Variants in GSTA2 observed in about 807,000 individuals in gnomAD.
GSTA2 encodes the protein glutathione S-transferase A2.
In GSTA2, 27 loss-of-function variants were observed where a neutral mutation model predicts 22.4. The observed-to-expected ratio is 1.21, with a 90% CI of 0.89 to 1.67. The LOEUF (loss-of-function observed/expected upper bound fraction) is 1.67, where lower values mean the gene tolerates loss of function less well. Among genes scored for constraint, GSTA2 ranks in the 40% most tolerant of loss-of-function variants. The pLI is 0.00. For synonymous variants in GSTA2, 121 were observed against 86.8 expected, an observed-to-expected ratio of 1.39 and a Z score of -2.19; for missense variants, 302 against 260.2, an observed-to-expected ratio of 1.16 and a Z score of -1.11.
intron 5 of GSTA2, among the ~76,000 whole-genome samples, chr6:52,752,441 C>A (rs550599533): frequency 6.6e-6 from 1 of 152,250 alleles, no homozygotes; most frequent in South Asian, 2.1e-4. Flanking sequence ...TCTGGTTGGG[C>A]AATTGGTCTC....
At chr6:52,752,284 T>C (rs73740515) in intron 5 of GSTA2, among the ~76,000 whole-genome samples, 1,702 of 152,328 alleles carry the variant, frequency 0.011, 32 homozygotes, top group African/African-American at 0.038. Context: ...AATGGCACTA[T>C]GTTATAATCT....
chr6:52,760,014 C>A (rs1399617404), intron 1 of GSTA2, among the ~76,000 whole-genome samples: 1 of 152,166 alleles, frequency 6.6e-6, no homozygotes, highest in East Asian at 1.9e-4. Context: ...TGAAATCATA[C>A]TGAATCAACT....
chr6:52,762,131 C>T (rs555236294), intron 1 of GSTA2, among the ~76,000 whole-genome samples: 11 of 148,656 alleles, frequency 7.4e-5, no homozygotes, highest in Admixed American at 4.6e-4. Context: ...TGCGGAAGGC[C>T]GCAGGGACCT....
Position 52,752,843 on chromosome 6 carries a change from G to A in GSTA2, c.414+11C>T. On this transcript the variant is annotated intron_variant, in intron 5 of 6. Transcript: ENST00000493422. The stretch of plus-strand genomic sequence containing the variant: ...ACTCAGTTCCCCAAAACACTGAACA[G>A]CTTCACTTACTTTTTCAAAGGCAGG... 1.2e-6 allele frequency: 2 copies of A among 1,613,486 alleles called. No individual in the cohort carries two copies. Among genetic ancestry groups the A allele is most frequent in the Non-Finnish European group, 1.7e-6 (2 of 1,179,570 alleles).
intron 5 of GSTA2, 54 bp from the exon 6 acceptor site, chr6:52,751,762 C>G: frequency 1.2e-6 from 2 of 1,613,330 alleles, no homozygotes; most frequent in East Asian, 2.2e-5. Context: ...GGCTGGGACC[C>G]CTGCTTCTTT....
chr6:52,750,813 C>T, intron 6 of GSTA2, 114 bp from the exon 7 acceptor site: 4 of 1,340,448 alleles, frequency 3.0e-6, no homozygotes, highest in Non-Finnish European at 4.1e-6. Flanking sequence ...GAGTCGCTTC[C>T]ACTTGGGTGA....
At chr6:52,753,415 A>G (rs940231456) in intron 4 of GSTA2, among the ~76,000 whole-genome samples, 6 of 152,164 alleles carry the variant, frequency 3.9e-5, no homozygotes, top group African/African-American at 1.2e-4. Flanking sequence ...CTGCTTCCTA[A>G]GTAATCCTAA....
At chr6:52,755,965 C>T (rs979909337) in intron 3 of GSTA2, among the ~76,000 whole-genome samples, 9 of 152,074 alleles carry the variant, frequency 5.9e-5, no homozygotes, top group African/African-American at 2.2e-4. Context: ...GGATCCTGTG[C>T]TGATGACCAC....
rs201315214 is a variant in GSTA2, at chr6:52,757,882, G to A, written c.66C>T (p.Leu22=). 23 of 1,613,646 alleles carry A rather than the reference G, an allele frequency of 1.4e-5. No homozygotes were observed. In the East Asian group the frequency reaches 4.9e-4, roughly 34 times the overall value. ...IRGRMESIRW[L]LAAAGVEFEE... ...CTACCTCTACTCCAGCTGCAGCCAG[G>A]AGCCACCGGATGGACTCCATTCTGC... The change falls in exon 2 of 7, where the codon CTC becomes CTT. Residue 22 remains leucine (L), a synonymous_variant. Coordinates refer to ENST00000493422, the MANE Select transcript of GSTA2 (RefSeq NM_000846.5).
chr6:52,757,654 C>G, intron 2 of GSTA2, among the ~76,000 whole-genome samples: 1 of 152,116 alleles, frequency 6.6e-6, no homozygotes, highest in Non-Finnish European at 1.5e-5. Context: ...TGATTAGTGT[C>G]TTAAATGTAT....
intron 1 of GSTA2, among the ~76,000 whole-genome samples, chr6:52,759,111 G>T (rs1247174229): frequency 6.6e-6 from 1 of 152,180 alleles, no homozygotes; most frequent in African/African-American, 2.4e-5. Context: ...GAAAAGAAAA[G>T]AATAGAAAAT....
intron 1 of GSTA2, among the ~76,000 whole-genome samples, chr6:52,758,448 G>A (rs188512242): frequency 4.3e-4 from 66 of 151,820 alleles, no homozygotes; most frequent in Non-Finnish European, 2.2e-4. Flanking sequence ...GTCACACTCC[G>A]GTTGGTGATG....
rs770906009 is a variant in GSTA2, at chr6:52,756,266, A to T, written c.131T>A (p.Leu44Ter). The T allele has an allele frequency of 1.9e-6, 3 of 1,603,038 alleles. No homozygotes were observed. The African/African-American group carries it at 4.0e-5, about 21-fold the overall frequency. Residue 44 changes from leucine to a stop codon, truncating the protein, a stop_gained, in exon 3 of 7, where the codon TTA (leucine) becomes TAA (stop). Transcript: ENST00000493422. LOFTEE classifies it high-confidence loss of function. ...FIKSAEDLDKLRNDGYLMFQQ... is the reference protein window; with the variant it reads ...FIKSAEDLDK Reference sequence around the variant, plus strand: ...TTAGAGGTTGATCTTACCATTTCTTAACTTGTCCAAATCTTCTGCAGATTT... The same window carrying T: ...TTAGAGGTTGATCTTACCATTTCTTTACTTGTCCAAATCTTCTGCAGATTT...
In GSTA2 at chr6:52,750,555, C is replaced by T. The variant is rs2266632; in HGVS notation, c.*22G>A. 1.8e-3 allele frequency: 2,824 copies of T among 1,612,856 alleles called. 48 individuals are homozygous for T. The African/African-American group carries it at 0.034, about 19-fold the overall frequency. On this transcript the variant is annotated 3_prime_UTR_variant, in exon 7 of 7. Coordinates refer to ENST00000493422, the MANE Select transcript of GSTA2 (RefSeq NM_000846.5). ...CTTTAGAATACTGGTCTTGCATGTT[C>T]TTGACCTCTATGGCTGGTTTATTAA...
At chr6:52,761,413 CT>C (rs1190987910) in intron 1 of GSTA2, among the ~76,000 whole-genome samples, 1 of 152,130 alleles carries the variant, frequency 6.6e-6, no homozygotes, top group Non-Finnish European at 1.5e-5. Context: ...TGTAATCTGT[CT>C]CTTCATCATC....
At chr6:52,753,727 C>T (rs77797028) in intron 4 of GSTA2, among the ~76,000 whole-genome samples, 1 of 152,234 alleles carries the variant, frequency 6.6e-6, no homozygotes, top group Non-Finnish European at 1.5e-5. Flanking sequence ...TGCATATTCA[C>T]ATACTATAAT....
At chr6:52,761,677 C>A (rs908014578) in intron 1 of GSTA2, among the ~76,000 whole-genome samples, 2 of 150,424 alleles carry the variant, frequency 1.3e-5, no homozygotes, top group African/African-American at 2.4e-5. Flanking sequence ...CCTTGCTTAG[C>A]CCCATGAGGT....
intron 1 of GSTA2, among the ~76,000 whole-genome samples, chr6:52,758,916 A>AT (rs922999181): frequency 7.0e-4 from 107 of 152,276 alleles, no homozygotes; most frequent in African/African-American, 2.5e-3. Context: ...TGTTATTCTC[A>AT]TTTTACATTT....
chr6:52,759,024 T>G (rs570572055), intron 1 of GSTA2, among the ~76,000 whole-genome samples: 27 of 152,344 alleles, frequency 1.8e-4, no homozygotes, highest in African/African-American at 6.0e-4. Flanking sequence ...AGTCTTATTT[T>G]CTATGTTAGT....
Sources: gnomAD v4.1 joint callset for allele counts (sites outside exome capture counted in the v4.1 genomes callset) on GRCh38, gnomAD v4.1.1 for gene constraint, MANE v1.5 for transcripts, NCBI Gene and HGNC (gene_info 2026-07-23, HGNC 2026-07-21) for gene names.